CCDC59: variants seen among roughly 807,000 people sequenced by gnomAD.
CCDC59 encodes thyroid transcription factor 1-associated protein 26.
A neutral mutation model predicts 30.5 loss-of-function variants in CCDC59; 27 were observed. That is an observed-to-expected ratio of 0.89 (90% confidence interval 0.65 to 1.22). CCDC59 has a LOEUF of 1.22. Among genes scored for constraint, CCDC59 ranks in the 50% most tolerant of loss-of-function variants. The probability of loss-of-function intolerance (pLI) is 0.00; values close to 1 mark genes in which losing one functional copy is unlikely to be tolerated. For missense variants in CCDC59, 362 were observed against 284.4 expected (o/e 1.27, Z -1.96); for synonymous variants, 125 against 100.9 (o/e 1.24, Z -1.43).
upstream of CCDC59, chr12:82,358,712 G>C (rs149113678): frequency 2.5e-6 from 4 of 1,614,198 alleles, no homozygotes; most frequent in African/African-American, 4.0e-5. Context: ...TGTGGGAGGA[G>C]CTGGTCGACT....
chr12:82,356,381 C>T (rs888300159), intron 2 of CCDC59, among the ~76,000 whole-genome samples: 10 of 152,178 alleles, frequency 6.6e-5, no homozygotes, highest in Non-Finnish European at 7.3e-5. Context: ...CATATATACC[C>T]TTTAAGATCC....
chr12:82,358,695 G>C (rs200635849), upstream of CCDC59: 7 of 1,614,106 alleles, frequency 4.3e-6, no homozygotes, highest in Middle Eastern at 1.6e-4. Context: ...TTTCTACACA[G>C]AATCCGTGTG....
At chr12:82,358,197 T>G in intron 1 of CCDC59, 26 bp downstream of exon 1, 1 of 1,613,978 alleles carries the variant, frequency 6.2e-7, no homozygotes, top group Non-Finnish European at 8.5e-7. Flanking sequence ...GCCTGAGGAT[T>G]TGCAAATGGT....
Position 82,352,555 on chromosome 12 carries a change from G to A in CCDC59, c.*596C>T, listed in dbSNP as rs1021104952. On this transcript the variant is annotated 3_prime_UTR_variant, in exon 4 of 4. Transcript: ENST00000256151. ...TTAATTCTTGCTGTGACACTGTGGG[G>A]TTTCCATCATTATTTAAAAGACCTT... 8.5e-5 allele frequency: 13 copies of A among 152,124 alleles called. No individual in the cohort carries two copies. The highest frequency in any genetic ancestry group is 3.1e-4 in the African/African-American group (13 of 41,424). 9.4% of individuals were successfully genotyped at this position (152,124 alleles called of 1,614,324 possible).
intron 1 of CCDC59, among the ~76,000 whole-genome samples, 181 bp downstream of exon 1, chr12:82,358,042 T>C (rs1187654891): frequency 6.6e-6 from 1 of 152,196 alleles, no homozygotes; most frequent in Non-Finnish European, 1.5e-5. Context: ...ATAGCAACAC[T>C]GCTCCGTCTT....
In CCDC59 at chr12:82,357,210, G is replaced by T. The variant is rs767415058; in HGVS notation, c.214C>A (p.Arg72=). ...KIQQSYKKLL[R]KEKKAQTSLE... ...GACGTTTGAGCCTTCTTTTCCTTCC[G>T]TAGCAATTTCTTGTAACTTTGCTGT... The change falls in exon 2 of 4, where the codon CGG becomes AGG. Residue 72 remains arginine (R), a synonymous_variant. Transcript: ENST00000256151. 7.4e-6 allele frequency: 12 copies of T among 1,613,906 alleles called. No individual in the cohort carries two copies. The South Asian group carries it at 1.3e-4, about 18-fold the overall frequency.
upstream of CCDC59, chr12:82,358,457 C>A: frequency 6.2e-7 from 1 of 1,603,312 alleles, no homozygotes; most frequent in South Asian, 1.1e-5. Context: ...ATCAATCGCT[C>A]AGAAGGAATC....
Position 82,357,214 on chromosome 12 carries a change from C to T in CCDC59, c.210G>A (p.Leu70=), listed in dbSNP as rs1310488267. The T allele has an allele frequency of 6.2e-7, 1 of 1,614,010 alleles. No individual in the cohort carries two copies. The highest frequency in any genetic ancestry group is 2.2e-5 in the East Asian group (1 of 44,888). The change falls in exon 2 of 4, where the codon TTG becomes TTA. Residue 70 remains leucine, a synonymous_variant. Coordinates refer to ENST00000256151, the MANE Select transcript of CCDC59 (RefSeq NM_014167.5). ...TTTGAGCCTTCTTTTCCTTCCGTAGCAATTTCTTGTAACTTTGCTGTATTT... is the reference window on the plus strand; with the variant it reads ...TTTGAGCCTTCTTTTCCTTCCGTAGTAATTTCTTGTAACTTTGCTGTATTT... ...KLKIQQSYKK[L]LRKEKKAQTS...
At position 82,357,187 on chromosome 12, in the gene CCDC59, C is replaced by A; in HGVS notation, c.237G>T (p.Thr79=). Reference sequence around the variant, plus strand: ...GATCTGTGAATTGAGATTCCAGTGACGTTTGAGCCTTCTTTTCCTTCCGTA... The same window carrying A: ...GATCTGTGAATTGAGATTCCAGTGAAGTTTGAGCCTTCTTTTCCTTCCGTA... ...KLLRKEKKAQ[T]SLESQFTDRY... is the part of the protein sequence containing the mutation. The change falls in exon 2 of 4, where the codon ACG becomes ACT. Residue 79 remains threonine, a synonymous_variant. Transcript: ENST00000256151. The A allele has an allele frequency of 6.2e-7, 1 of 1,614,106 alleles. No homozygotes were observed. Among genetic ancestry groups the A allele is most frequent in the Non-Finnish European group, 8.5e-7 (1 of 1,179,960 alleles).
intron 3 of CCDC59, among the ~76,000 whole-genome samples, chr12:82,353,717 C>T (rs997182558): frequency 2.0e-5 from 3 of 152,058 alleles, no homozygotes; most frequent in Non-Finnish European, 1.5e-5. Context: ...TAATCTGCCA[C>T]CAGCTTAAGA....
At chr12:82,357,430 G>C in intron 1 of CCDC59, 161 bp from the exon 2 acceptor site, 1 of 631,156 alleles carries the variant, frequency 1.6e-6, no homozygotes, top group Non-Finnish European at 2.7e-6. Flanking sequence ...AATTTAAGCT[G>C]ATGGATTGCA....
rs1172789873 is a variant in CCDC59, at chr12:82,354,845, C to T, written c.465-251G>A. 6 of 267,232 alleles carry T rather than the reference C, an allele frequency of 2.2e-5. No homozygotes were observed. In the East Asian group the frequency reaches 4.0e-4, roughly 18 times the overall value. The allele number at this position is 267,232 out of a possible 1,614,324, so 16.6% of individuals were successfully genotyped here. On this transcript the variant is annotated intron_variant, in intron 2 of 3. Coordinates refer to ENST00000256151, the MANE Select transcript of CCDC59 (RefSeq NM_014167.5). ...ATGCCAGACTGAAAAAAGAATTAAA[C>T]TTGTTGTTTAAGGATGTTAAGAAAA...
chr12:82,352,505 A>G lies in CCDC59; in HGVS notation c.*646T>C, dbSNP rs575721452. The stretch of plus-strand genomic sequence containing the variant: ...GAGACAGAGATAATGTTCTTAAAGT[A>G]TAGGGTCCATAGGAACTGGAAAGCT... On this transcript the variant is annotated 3_prime_UTR_variant, in exon 4 of 4. Transcript: ENST00000256151. 6.6e-6 allele frequency: 1 copy of G among 152,352 alleles called. No individual in the cohort carries two copies. The highest frequency in any genetic ancestry group is 1.9e-4 in the East Asian group (1 of 5,186). The allele number at this position is 152,352 out of a possible 1,614,324, so 9.4% of individuals were successfully genotyped here.
upstream of CCDC59, chr12:82,358,512 G>A (rs1881254117): frequency 1.9e-6 from 3 of 1,597,744 alleles, no homozygotes; most frequent in East Asian, 2.2e-5. Flanking sequence ...TTTGGGCCGA[G>A]CTGGCGCCTC....
rs866988343 is a variant in CCDC59 at position 82,354,545 on chromosome 12, C to T, written c.514G>A (p.Ala172Thr). The change falls in exon 3 of 4, where the codon GCA becomes ACA. Residue 172 changes from alanine to threonine, a missense_variant. Ala to Thr is a moderately conservative substitution (Grantham distance 58). Coordinates refer to ENST00000256151, the MANE Select transcript of CCDC59 (RefSeq NM_014167.5). ...TGTATCTGTTCATATTCTTCTTGTGCTTTTTGATTTGATGTTTTCTTTTTA... is the reference window on the plus strand; with the variant it reads ...TGTATCTGTTCATATTCTTCTTGTGTTTTTTGATTTGATGTTTTCTTTTTA... Reference protein sequence around the residue: ...KNKKKTSNQKAQEEYEQIQAK... With the variant: ...KNKKKTSNQKTQEEYEQIQAK... 2 of 1,601,820 alleles carry T rather than the reference C, an allele frequency of 1.2e-6. No homozygotes were observed. Among genetic ancestry groups the T allele is most frequent in the African/African-American group, 2.7e-5 (2 of 74,734 alleles).
chr12:82,357,853 T>G (rs776729801), intron 1 of CCDC59, among the ~76,000 whole-genome samples: 2 of 152,138 alleles, frequency 1.3e-5, no homozygotes, highest in African/African-American at 4.8e-5. Context: ...CCTCGGGTAT[T>G]TGTAATAAGG....
At chr12:82,358,525 G>A (rs775020041), upstream of CCDC59, 41 of 1,599,992 alleles carry the variant, frequency 2.6e-5, no homozygotes, top group Non-Finnish European at 3.3e-5. Flanking sequence ...GGCGCCTCAC[G>A]GCCATGTTTG....
chr12:82,353,339 C>CATTAGCAACA, intron 3 of CCDC59, 27 bp from the exon 4 acceptor site: 1 of 1,554,888 alleles, frequency 6.4e-7, no homozygotes, highest in South Asian at 1.2e-5. Context: ...ATGTAACTTT[C>CATTAGCAACA]ATTAGCAACA....
At chr12:82,353,363 G>T in intron 3 of CCDC59, 51 bp from the exon 4 acceptor site, 1 of 1,423,020 alleles carries the variant, frequency 7.0e-7, no homozygotes, top group African/African-American at 1.4e-5. Flanking sequence ...AGTAGATACA[G>T]TTCAGAAATT....
Sources: gnomAD v4.1 joint callset for allele counts (sites outside exome capture counted in the v4.1 genomes callset) on GRCh38, gnomAD v4.1.1 for gene constraint, MANE v1.5 for transcripts, NCBI Gene and HGNC (gene_info 2026-07-23, HGNC 2026-07-21) for gene names.